The following PRKG1 variants were observed in gnomAD, a reference collection of about 807,000 sequenced individuals.
The protein encoded by PRKG1 is protein kinase cGMP-dependent 1.
Under a neutral mutation model 88.1 loss-of-function variants are expected in PRKG1, and 35 were observed. That is an observed-to-expected ratio of 0.40 (90% CI 0.30 to 0.53). PRKG1 has a LOEUF of 0.53. Ranked by LOEUF, PRKG1 falls within the 20% of genes least tolerant of loss-of-function variation. The pLI, the probability that PRKG1 is intolerant of heterozygous loss-of-function variation, is 0.59. For missense variants in PRKG1, 540 were observed against 839.8 expected, an observed-to-expected ratio of 0.64 and a Z score of 4.41; for synonymous variants, 303 against 292.5, an observed-to-expected ratio of 1.04 and a Z score of -0.37.
intron 4 of PRKG1, among the ~76,000 whole-genome samples, chr10:51,874,449 A>T (rs1841241566): frequency 6.6e-6 from 1 of 152,232 alleles, no homozygotes; most frequent in African/African-American, 2.4e-5. Flanking sequence ...AGTGATTTTA[A>T]TATTTTCACC....
chr10:51,242,059 T>C (rs1480286448), intron 2 of PRKG1, among the ~76,000 whole-genome samples: 1 of 151,744 alleles, frequency 6.6e-6, no homozygotes, highest in Non-Finnish European at 1.5e-5. Context: ...CTCCCAGAAC[T>C]GAAATTCAAA....
chr10:51,312,366 A>G (rs1770197880), intron 2 of PRKG1, among the ~76,000 whole-genome samples: 1 of 152,182 alleles, frequency 6.6e-6, no homozygotes, highest in Admixed American at 6.5e-5. Flanking sequence ...ATAGTGTAGG[A>G]GTTAATAGTT....
intron 3 of PRKG1, among the ~76,000 whole-genome samples, chr10:51,559,133 A>G (rs1837391583): frequency 6.6e-6 from 1 of 152,070 alleles, no homozygotes; most frequent in Admixed American, 6.6e-5. Context: ...ATGGCTTGGT[A>G]CTACTCAGTT....
At chr10:51,872,360 T>G (rs1375813983) in intron 4 of PRKG1, among the ~76,000 whole-genome samples, 1 of 152,214 alleles carries the variant, frequency 6.6e-6, no homozygotes, top group Non-Finnish European at 1.5e-5. Context: ...GTAAAGTGCT[T>G]AGTCCAGTAT....
At chr10:52,003,716 A>G (rs1020557583) in intron 5 of PRKG1, among the ~76,000 whole-genome samples, 18 of 152,210 alleles carry the variant, frequency 1.2e-4, no homozygotes, top group South Asian at 2.1e-4. Flanking sequence ...TGAGCAATCC[A>G]CAAGCTGTTA....
At chr10:51,641,395 G>T (rs891641253) in intron 3 of PRKG1, among the ~76,000 whole-genome samples, 1 of 152,294 alleles carries the variant, frequency 6.6e-6, no homozygotes, top group East Asian at 1.9e-4. Flanking sequence ...AAACTCCAAG[G>T]TGATGAATTT....
chr10:51,422,441 C>A (rs1378838179), intron 2 of PRKG1, among the ~76,000 whole-genome samples: 1 of 152,166 alleles, frequency 6.6e-6, no homozygotes, highest in African/African-American at 2.4e-5. Context: ...CAGTTGCCGG[C>A]CCCATCCCCT....
chr10:51,517,935 C>T (rs1162013413), intron 3 of PRKG1, among the ~76,000 whole-genome samples: 2 of 152,152 alleles, frequency 1.3e-5, no homozygotes, highest in African/African-American at 4.8e-5. Context: ...CATGATGCAG[C>T]CCTAAGGAAC....
In PRKG1 at chr10:51,270,203, A is replaced by C. The variant is rs191818920; in HGVS notation, c.478+116873A>C. On this transcript the variant is annotated intron_variant, in intron 2 of 17. Coordinates refer to ENST00000373980, the MANE Select transcript of PRKG1 (RefSeq NM_006258.4). ...ACATCTAGATTTGTAAAATGTATTC[A>C]TGCCTTACTTTGTATCAAATGGACA... Among the ~76,000 whole-genome samples, 14 of 152,326 alleles carry C rather than the reference A, an allele frequency of 9.2e-5. No individual in the cohort carries two copies. In the South Asian group the frequency reaches 1.2e-3, roughly 14 times the overall value.
At chr10:51,880,658 A>G (rs1445541528) in intron 4 of PRKG1, among the ~76,000 whole-genome samples, 1 of 152,198 alleles carries the variant, frequency 6.6e-6, no homozygotes, top group Non-Finnish European at 1.5e-5. Flanking sequence ...AAAAAATTGT[A>G]TCCACTCATA....
At chr10:51,562,120 A>T (rs7906912) in intron 3 of PRKG1, among the ~76,000 whole-genome samples, 1 of 151,874 alleles carries the variant, frequency 6.6e-6, no homozygotes, top group African/African-American at 2.4e-5. Context: ...GCTACTCAGG[A>T]GGCTGAGGCA....
chr10:51,407,327 A>G (rs2132679584), intron 2 of PRKG1, among the ~76,000 whole-genome samples: 1 of 152,308 alleles, frequency 6.6e-6, no homozygotes, highest in South Asian at 2.1e-4. Flanking sequence ...CTTATCATAA[A>G]ACAACTATCT....
chr10:52,006,610 T>C (rs1564426091), intron 5 of PRKG1, among the ~76,000 whole-genome samples: 1 of 151,960 alleles, frequency 6.6e-6, no homozygotes, highest in Non-Finnish European at 1.5e-5. Context: ...GAACAAATCC[T>C]CCAAGAAATA....
intron 2 of PRKG1, among the ~76,000 whole-genome samples, chr10:51,367,459 C>G (rs1339466206): frequency 2.6e-5 from 4 of 151,938 alleles, no homozygotes; most frequent in South Asian, 4.1e-4. Context: ...GGGAACATCT[C>G]TTATGATGCC....
intron 7 of PRKG1, among the ~76,000 whole-genome samples, chr10:52,120,218 C>G (rs746643368): frequency 3.0e-4 from 45 of 152,080 alleles, no homozygotes; most frequent in Non-Finnish European, 5.7e-4. Flanking sequence ...CTTAAAGATC[C>G]CACCACTCAA....
chr10:51,575,402 A>G (rs372906509), intron 3 of PRKG1, among the ~76,000 whole-genome samples: 4 of 151,962 alleles, frequency 2.6e-5, no homozygotes, highest in African/African-American at 9.6e-5. Flanking sequence ...TTTTTTAATT[A>G]CTCAACAGTT....
intron 2 of PRKG1, among the ~76,000 whole-genome samples, chr10:51,188,049 G>T (rs1188710389): frequency 6.6e-6 from 1 of 151,944 alleles, no homozygotes; most frequent in African/African-American, 2.4e-5. Flanking sequence ...CAATGTGAAT[G>T]GAAAATTAGG....
intron 2 of PRKG1, among the ~76,000 whole-genome samples, chr10:51,271,664 G>T (rs1839983299): frequency 6.6e-6 from 1 of 152,116 alleles, no homozygotes; most frequent in African/African-American, 2.4e-5. Context: ...GTGTTCTTCT[G>T]CATACTTCCT....
chr10:51,255,189 T>C (rs562616332), intron 2 of PRKG1, among the ~76,000 whole-genome samples: 12 of 152,272 alleles, frequency 7.9e-5, no homozygotes, highest in Middle Eastern at 3.4e-3. Context: ...TGGAATTCAA[T>C]TTCTACATAT....
Sources: gnomAD v4.1 joint callset for allele counts (sites outside exome capture counted in the v4.1 genomes callset) on GRCh38, gnomAD v4.1.1 for gene constraint, MANE v1.5 for transcripts, NCBI Gene and HGNC (gene_info 2026-07-23, HGNC 2026-07-21) for gene names.